FOXP1: variants seen among roughly 807,000 people sequenced by gnomAD.
FOXP1 encodes the protein forkhead box P1.
A neutral mutation model predicts 98.2 loss-of-function variants in FOXP1; 15 were observed. The ratio of observed to expected loss-of-function variants is 0.15; its 90% confidence interval spans 0.10 to 0.24. The LOEUF is 0.24. Ranked by LOEUF, FOXP1 falls within the 10% of genes least tolerant of loss-of-function variation. The pLI is 1.00. For missense variants in FOXP1, 633 were observed against 848.5 expected (o/e 0.75, Z 3.15); for synonymous variants, 371 against 314.5 (o/e 1.18, Z -1.90).
At chr3:71,357,792 A>C (rs1019470588) in intron 4 of FOXP1, among the ~76,000 whole-genome samples, 1 of 152,240 alleles carries the variant, frequency 6.6e-6, no homozygotes, top group African/African-American at 2.4e-5. Flanking sequence ...GAATAAGCAG[A>C]GTAGAAAGAT....
intron 3 of FOXP1, among the ~76,000 whole-genome samples, chr3:71,433,884 T>A (rs1161888513): frequency 6.6e-6 from 1 of 152,220 alleles, no homozygotes; most frequent in African/African-American, 2.4e-5. Flanking sequence ...ACAGGGAAGC[T>A]TAGATCGCAT....
chr3:71,400,254 T>C (rs1216030432), intron 3 of FOXP1, among the ~76,000 whole-genome samples: 2 of 152,360 alleles, frequency 1.3e-5, no homozygotes, highest in East Asian at 3.9e-4. Flanking sequence ...ATGAATGCAA[T>C]GAAACCAATT....
chr3:71,538,130 CAAGTA>C (rs2044457707), intron 2 of FOXP1, among the ~76,000 whole-genome samples: 2 of 152,176 alleles, frequency 1.3e-5, no homozygotes, highest in Non-Finnish European at 2.9e-5. Flanking sequence ...CCTCATTCTA[CAAGTA>C]AAGAAATGCA....
chr3:71,371,616 T>C (rs2079319451), intron 3 of FOXP1, among the ~76,000 whole-genome samples: 2 of 152,116 alleles, frequency 1.3e-5, no homozygotes, highest in Admixed American at 1.3e-4. Flanking sequence ...CAAGATTCCA[T>C]TACAATAAAA....
intron 4 of FOXP1, among the ~76,000 whole-genome samples, chr3:71,328,296 TA>T (rs1052587224): frequency 2.6e-5 from 4 of 151,698 alleles, no homozygotes; most frequent in East Asian, 1.9e-4. Flanking sequence ...ATTTAAAAAT[TA>T]AAAAAAAGAA....
intron 19 of FOXP1, chr3:70,969,766 G>A (rs1246397598): frequency 1.3e-5 from 2 of 152,212 alleles, no homozygotes; most frequent in Non-Finnish European, 2.9e-5. Context: ...CCAATCTAGG[G>A]GTGATACAGC....
At chr3:71,200,185 G>A (rs966390960) in intron 5 of FOXP1, among the ~76,000 whole-genome samples, 5 of 151,210 alleles carry the variant, frequency 3.3e-5, no homozygotes, top group African/African-American at 4.9e-5. Flanking sequence ...TTATCCCAGA[G>A]AGCCGATTCA....
At chr3:71,061,615 C>A (rs116625114) in intron 7 of FOXP1, among the ~76,000 whole-genome samples, 39 of 152,230 alleles carry the variant, frequency 2.6e-4, no homozygotes, top group Admixed American at 1.8e-3. Context: ...CATATAGACA[C>A]AATTTATGTA....
At chr3:70,997,793 T>C (rs796883817) in intron 13 of FOXP1, among the ~76,000 whole-genome samples, 6 of 152,360 alleles carry the variant, frequency 3.9e-5, no homozygotes, top group African/African-American at 1.4e-4. Flanking sequence ...CATTGTACTC[T>C]GCAGTAGCTC....
intron 4 of FOXP1, among the ~76,000 whole-genome samples, chr3:71,331,803 A>G (rs184275768): frequency 6.2e-4 from 95 of 152,238 alleles, no homozygotes; most frequent in Admixed American, 1.6e-3. Flanking sequence ...GTCTACCTCA[A>G]GGTTTGTCAA....
intron 6 of FOXP1, among the ~76,000 whole-genome samples, chr3:71,151,136 C>T (rs1345040238): frequency 6.6e-6 from 1 of 152,194 alleles, no homozygotes; most frequent in African/African-American, 2.4e-5. Flanking sequence ...TTATTTAACT[C>T]ATCTGAGTCT....
intron 3 of FOXP1, among the ~76,000 whole-genome samples, chr3:71,426,917 C>T (rs746876633): frequency 2.0e-5 from 3 of 151,918 alleles, no homozygotes; most frequent in East Asian, 1.9e-4. Context: ...AAAAATTAGC[C>T]GGGCATGGTG....
chr3:71,497,737 C>T (rs955028535), intron 2 of FOXP1, among the ~76,000 whole-genome samples: 3 of 152,178 alleles, frequency 2.0e-5, no homozygotes, highest in African/African-American at 7.2e-5. Context: ...CCCCCAGGGG[C>T]TCATCCCTGG....
intron 14 of FOXP1, among the ~76,000 whole-genome samples, chr3:70,982,073 G>C (rs1369362961): frequency 6.6e-6 from 1 of 152,170 alleles, no homozygotes; most frequent in African/African-American, 2.4e-5. Context: ...AGGGAAGGTT[G>C]AGAGAGAAAG....
chr3:71,145,963 T>C (rs779682410), intron 6 of FOXP1, among the ~76,000 whole-genome samples: 1 of 152,214 alleles, frequency 6.6e-6, no homozygotes, highest in African/African-American at 2.4e-5. Flanking sequence ...AGGGATTGTA[T>C]CTGCACTTTT....
At chr3:71,396,980 A>ATATATACACATATATATGTG (rs1560424618) in intron 3 of FOXP1, among the ~76,000 whole-genome samples, 5 of 27,380 alleles carry the variant, frequency 1.8e-4, no homozygotes, top group Admixed American at 5.5e-4. Flanking sequence ...ATATATATAT[A>ATATATACACATATATATGTG]TGTGTATATA....
intron 2 of FOXP1, among the ~76,000 whole-genome samples, chr3:71,532,610 T>G (rs1037984331): frequency 2.0e-5 from 3 of 152,188 alleles, no homozygotes; most frequent in African/African-American, 7.2e-5. Context: ...TTATTAAAAC[T>G]CACAGTGTTG....
At chr3:71,240,038 A>G (rs2067117967) in intron 5 of FOXP1, among the ~76,000 whole-genome samples, 1 of 152,254 alleles carries the variant, frequency 6.6e-6, no homozygotes, top group African/African-American at 2.4e-5. Flanking sequence ...GGGCTTCGAA[A>G]GGAAGTACAA....
intron 4 of FOXP1, among the ~76,000 whole-genome samples, chr3:71,328,340 GA>G (rs1405148037): frequency 8.5e-5 from 13 of 152,200 alleles, no homozygotes; most frequent in African/African-American, 3.1e-4. Context: ...CCCAGCTGAA[GA>G]ACTGTGCTCC....
Sources: gnomAD v4.1 joint callset for allele counts (sites outside exome capture counted in the v4.1 genomes callset) on GRCh38, gnomAD v4.1.1 for gene constraint, MANE v1.5 for transcripts, NCBI Gene and HGNC (gene_info 2026-07-23, HGNC 2026-07-21) for gene names.